FGF12: variants seen among roughly 807,000 people sequenced by gnomAD.
The protein encoded by FGF12 is fibroblast growth factor 12B.
A neutral mutation model predicts 23.6 loss-of-function variants in FGF12; 14 were observed. The observed-to-expected ratio is 0.59, with a 90% CI of 0.39 to 0.93. The LOEUF (loss-of-function observed/expected upper bound fraction) is 0.93. Ranked by LOEUF, FGF12 falls within the 40% of genes least tolerant of loss-of-function variation. The pLI, the probability that FGF12 is intolerant of heterozygous loss-of-function variation, is 0.00. For missense variants in FGF12, 175 were observed against 217.8 expected (o/e 0.80, Z 1.24); for synonymous variants, 62 against 77.3 (o/e 0.80, Z 1.04).
chr3:192,666,909 T>C (rs1036980826), intron 2 of FGF12, among the ~76,000 whole-genome samples: 2 of 140,342 alleles, frequency 1.4e-5, no homozygotes, highest in Non-Finnish European at 3.1e-5. Context: ...GATAGTTGGA[T>C]AGATAGATGA....
chr3:192,572,941 TG>T (rs1348354926), intron 2 of FGF12, among the ~76,000 whole-genome samples: 1 of 152,070 alleles, frequency 6.6e-6, no homozygotes, highest in Non-Finnish European at 1.5e-5. Context: ...ATTTAGTAAA[TG>T]TTAGAAAAAG....
rs539035003 is a variant in FGF12, at chr3:192,443,108, G to A, written c.14-82570C>T. On this transcript the variant is annotated intron_variant, in intron 2 of 5. Coordinates refer to ENST00000445105, the MANE Select transcript of FGF12 (RefSeq NM_004113.6). ...CAGGCGTGAGTCACCGTGCCCGGCC[G>A]TGTCTTCCATCTTTATTAACAAGAT... Among the ~76,000 whole-genome samples, 80 of 152,142 alleles carry A rather than the reference G, an allele frequency of 5.3e-4. 2 individuals carry two copies. Among genetic ancestry groups the A allele is most frequent in the Non-Finnish European group, 2.2e-4 (15 of 67,974 alleles).
chr3:192,544,609 C>T (rs1018241165), intron 2 of FGF12, among the ~76,000 whole-genome samples: 1 of 152,170 alleles, frequency 6.6e-6, no homozygotes, highest in African/African-American at 2.4e-5. Flanking sequence ...AGCTATTTAA[C>T]ACATAACAAA....
At chr3:192,303,432 C>T (rs532722961) in intron 4 of FGF12, among the ~76,000 whole-genome samples, 112 of 152,280 alleles carry the variant, frequency 7.4e-4, no homozygotes, top group Admixed American at 2.0e-3. Flanking sequence ...CTCCTAGCAA[C>T]AGATGGAGCC....
At chr3:192,621,875 G>C (rs1053539417) in intron 2 of FGF12, among the ~76,000 whole-genome samples, 7 of 151,914 alleles carry the variant, frequency 4.6e-5, no homozygotes, top group East Asian at 3.9e-4. Flanking sequence ...GGGGCAATAA[G>C]GGAAATTGGT....
chr3:192,691,499 G>A (rs749777469), intron 2 of FGF12, among the ~76,000 whole-genome samples: 1 of 151,866 alleles, frequency 6.6e-6, no homozygotes, highest in Non-Finnish European at 1.5e-5. Flanking sequence ...AACAAAAATG[G>A]AAATACAACA....
chr3:192,440,468 C>T (rs1048979002), intron 2 of FGF12, among the ~76,000 whole-genome samples: 1 of 152,194 alleles, frequency 6.6e-6, no homozygotes, highest in East Asian at 1.9e-4. Flanking sequence ...AATGTGTCAA[C>T]GTTTCTGGAA....
chr3:192,241,541 G>T (rs1383890620), intron 4 of FGF12, among the ~76,000 whole-genome samples: 1 of 152,096 alleles, frequency 6.6e-6, no homozygotes, highest in Non-Finnish European at 1.5e-5. Context: ...ACAGTTTGAA[G>T]AAACAGGGGA....
chr3:192,293,126 T>C (rs1560055569), intron 4 of FGF12, among the ~76,000 whole-genome samples: 1 of 152,080 alleles, frequency 6.6e-6, no homozygotes, highest in Non-Finnish European at 1.5e-5. Context: ...TTCATTTAAA[T>C]TTCTTTCATA....
intron 5 of FGF12, among the ~76,000 whole-genome samples, chr3:192,153,073 CTTCT>C (rs1220097461): frequency 1.3e-5 from 1 of 74,356 alleles, no homozygotes; most frequent in Admixed American, 1.5e-4. Context: ...ATGTAATGGC[CTTCT>C]TTGTCTCTTT....
intron 4 of FGF12, among the ~76,000 whole-genome samples, chr3:192,220,942 C>A (rs79269328): frequency 0.027 from 4,096 of 152,182 alleles, 189 homozygotes; most frequent in African/African-American, 0.094. Flanking sequence ...AAATGAGACA[C>A]AAATAAATCC....
rs757074708 is a variant in FGF12, at chr3:192,685,372, G to C, written c.13+41809C>G. On this transcript the variant is annotated intron_variant, in intron 2 of 5. Transcript: ENST00000445105. The stretch of plus-strand genomic sequence containing the variant: ...GGCCTACAAAGTTAATATCTCTAAA[G>C]TGTTTAGAACACAGTAAGCACTATA... Among the ~76,000 whole-genome samples, 26 of 152,134 alleles carry C rather than the reference G, an allele frequency of 1.7e-4. 1 individual carries two copies. Among genetic ancestry groups the C allele is most frequent in the Non-Finnish European group, 3.4e-4 (23 of 68,022 alleles).
chr3:192,653,557 G>A (rs1012962109), intron 2 of FGF12, among the ~76,000 whole-genome samples: 3 of 152,094 alleles, frequency 2.0e-5, no homozygotes, highest in Non-Finnish European at 2.9e-5. Context: ...TTCTGAGAAC[G>A]CAGTACAGAT....
At chr3:192,284,654 T>G (rs1351311606) in intron 4 of FGF12, among the ~76,000 whole-genome samples, 1 of 152,026 alleles carries the variant, frequency 6.6e-6, no homozygotes, top group Admixed American at 6.6e-5. Flanking sequence ...ATGTTTGTCA[T>G]GATTCTCAAG....
chr3:192,338,070 A>G (rs1297216336), intron 3 of FGF12, among the ~76,000 whole-genome samples: 1 of 152,144 alleles, frequency 6.6e-6, no homozygotes. Flanking sequence ...GCATCTAAAC[A>G]AAGGCTTTCA....
chr3:192,554,506 G>C (rs1234652524), intron 2 of FGF12, among the ~76,000 whole-genome samples: 1 of 152,160 alleles, frequency 6.6e-6, no homozygotes, highest in African/African-American at 2.4e-5. Context: ...CAGAGAAGAG[G>C]CATCCATAGG....
intron 2 of FGF12, among the ~76,000 whole-genome samples, chr3:192,447,353 A>C (rs1178096610): frequency 6.6e-6 from 1 of 152,148 alleles, no homozygotes; most frequent in East Asian, 1.9e-4. Flanking sequence ...AATGGGAAAC[A>C]TTGGGGTCTT....
rs569853377 is a variant in FGF12, at chr3:192,600,867, ACCG to A, written c.13+126311_13+126313del. Among the ~76,000 whole-genome samples the A allele has an allele frequency of 4.0e-3, 611 of 152,204 alleles. 3 individuals are homozygous for A. Among genetic ancestry groups the A allele is most frequent in the African/African-American group, 0.014 (592 of 41,546 alleles). On this transcript the variant is annotated intron_variant, in intron 2 of 5. Transcript: ENST00000445105. ...GTTGATGAAAATGTAAACTCATAAC[ACCG>A]CTATGGAAAACAGTATGGAGGTTCC...
intron 2 of FGF12, among the ~76,000 whole-genome samples, chr3:192,693,004 A>G (rs1040532926): frequency 6.6e-6 from 1 of 152,082 alleles, no homozygotes; most frequent in African/African-American, 2.4e-5. Context: ...GTATCCAAAT[A>G]TAAACTATCC....
Sources: allele counts gnomAD v4.1 joint callset (sites outside exome capture counted in the v4.1 genomes callset), GRCh38; gene constraint gnomAD v4.1.1; transcripts MANE v1.5; gene names NCBI Gene and HGNC (gene_info 2026-07-23, HGNC 2026-07-21).